Variants in PDZRN3 observed in about 807,000 individuals in gnomAD.
PDZRN3 encodes E3 ubiquitin-protein ligase PDZRN3.
In PDZRN3, 38 loss-of-function variants were observed where a neutral mutation model predicts 85.7. The observed-to-expected ratio is 0.44, with a 90% CI of 0.34 to 0.58. The LOEUF (loss-of-function observed/expected upper bound fraction) is 0.58. PDZRN3 is among the 20% of genes least tolerant of loss of function. The pLI is 0.01. For missense variants in PDZRN3, 1,629 were observed against 1,506.4 expected (o/e 1.08, Z -1.35); for synonymous variants, 759 against 638.0 (o/e 1.19, Z -2.86).
chr3:73,421,457 A>G (rs770133545), intron 3 of PDZRN3, among the ~76,000 whole-genome samples: 3 of 152,224 alleles, frequency 2.0e-5, no homozygotes, highest in Non-Finnish European at 2.9e-5. Flanking sequence ...CCTGTCCCTC[A>G]GCACAGCATA....
chr3:73,384,109 G>A lies in PDZRN3; in HGVS notation c.2457C>T (p.Thr819=), dbSNP rs1276896667. Residue 819 remains threonine, a synonymous_variant, in exon 10 of 10, where the codon ACC becomes ACT. Transcript: ENST00000263666. ...CCTTCAGGGACGGGCTATAGGTAGGGGTGCCCACTTCGGGATCTTCCGTGA... is the reference window on the plus strand; with the variant it reads ...CCTTCAGGGACGGGCTATAGGTAGGAGTGCCCACTTCGGGATCTTCCGTGA... ...LSITEDPEVG[T]PTYSPSLKEL... 6.2e-7 allele frequency: 1 copy of A among 1,614,022 alleles called. No individual in the cohort carries two copies. The highest frequency in any genetic ancestry group is 1.1e-5 in the South Asian group (1 of 91,074).
At chr3:73,528,914 A>G (rs868664717) in intron 3 of PDZRN3, among the ~76,000 whole-genome samples, 4 of 151,170 alleles carry the variant, frequency 2.6e-5, no homozygotes, top group Non-Finnish European at 5.9e-5. Flanking sequence ...ACACACACAC[A>G]CACGCACATG....
intron 3 of PDZRN3, among the ~76,000 whole-genome samples, chr3:73,462,542 C>CAAAAAA (rs1167584471): frequency 1.1e-5 from 1 of 93,434 alleles, no homozygotes. Flanking sequence ...GACTCCGTCT[C>CAAAAAA]AAAAAAAAAA....
chr3:73,617,745 G>A (rs554542411), intron 1 of PDZRN3, among the ~76,000 whole-genome samples: 81 of 152,174 alleles, frequency 5.3e-4, no homozygotes, highest in South Asian at 1.0e-3. Context: ...CTGTTGCCCA[G>A]GCTGGAGTGC....
chr3:73,480,101 C>T (rs1703533263), intron 3 of PDZRN3, among the ~76,000 whole-genome samples: 1 of 152,174 alleles, frequency 6.6e-6, no homozygotes, highest in Non-Finnish European at 1.5e-5. Context: ...CTATTAATAA[C>T]TCTACTAATA....
intron 3 of PDZRN3, among the ~76,000 whole-genome samples, chr3:73,470,348 A>C (rs955838691): frequency 1.3e-5 from 2 of 152,194 alleles, no homozygotes; most frequent in African/African-American, 4.8e-5. Context: ...GTGTGGTCTG[A>C]GACTATATAA....
At chr3:73,506,503 A>T (rs1030944210) in intron 3 of PDZRN3, among the ~76,000 whole-genome samples, 2 of 152,214 alleles carry the variant, frequency 1.3e-5, no homozygotes, top group Non-Finnish European at 2.9e-5. Flanking sequence ...AAAGAAAATA[A>T]AATTCAATCC....
chr3:73,538,498 T>A (rs545046969), intron 3 of PDZRN3, among the ~76,000 whole-genome samples: 6 of 152,352 alleles, frequency 3.9e-5, no homozygotes, highest in African/African-American at 1.2e-4. Flanking sequence ...TGTACTTTTA[T>A]AGGACACATA....
chr3:73,604,653 T>C (rs1017656345), intron 2 of PDZRN3, among the ~76,000 whole-genome samples: 2 of 152,140 alleles, frequency 1.3e-5, no homozygotes, highest in African/African-American at 4.8e-5. Context: ...CAAGCTTGAG[T>C]TCCCTAAGAG....
chr3:73,622,356 G>C (rs964273309), intron 1 of PDZRN3, among the ~76,000 whole-genome samples: 3 of 152,246 alleles, frequency 2.0e-5, no homozygotes, highest in Non-Finnish European at 2.9e-5. Context: ...GGCAGAGAGA[G>C]GCAAAGCAGA....
intron 3 of PDZRN3, among the ~76,000 whole-genome samples, chr3:73,504,445 G>T (rs367829216): frequency 6.6e-6 from 1 of 152,198 alleles, no homozygotes; most frequent in South Asian, 2.1e-4. Context: ...GGACCAGGAA[G>T]ATTTTCATCT....
At chr3:73,502,938 T>C in intron 3 of PDZRN3, among the ~76,000 whole-genome samples, 1 of 152,334 alleles carries the variant, frequency 6.6e-6, no homozygotes, top group South Asian at 2.1e-4. Context: ...GTCATTTTGA[T>C]CTGTTAAGTA....
In PDZRN3 at chr3:73,459,809, T is replaced by C. The variant is rs190469429; in HGVS notation, c.919-55414A>G. Among the ~76,000 whole-genome samples, 178 of 152,330 alleles carry C rather than the reference T, an allele frequency of 1.2e-3. 1 individual carries two copies. The highest frequency in any genetic ancestry group is 4.1e-3 in the African/African-American group (171 of 41,568). ...TTGCTATTGTGAATAGAAGCACTCTTCTTTTATATCTGCCTAACAGATGGG... is the reference window on the plus strand; with the variant it reads ...TTGCTATTGTGAATAGAAGCACTCTCCTTTTATATCTGCCTAACAGATGGG... On this transcript the variant is annotated intron_variant, in intron 3 of 9. Coordinates refer to ENST00000263666, the MANE Select transcript of PDZRN3 (RefSeq NM_015009.3).
Position 73,384,761 on chromosome 3 carries a change from C to G in PDZRN3, c.1805G>C (p.Gly602Ala). The G allele has an allele frequency of 6.2e-7, 1 of 1,613,982 alleles. No individual in the cohort carries two copies. The highest frequency in any genetic ancestry group is 8.5e-7 in the Non-Finnish European group (1 of 1,180,046). ...DATASSNPLAGQRKLTCSQDT... is the reference protein window; with the variant it reads ...DATASSNPLAAQRKLTCSQDT... ...CTGGCTGCAGGTGAGCTTCCTCTGC[C>G]CCGCCAGCGGGTTGGAGGATGCGGT... Residue 602 changes from glycine (G) to alanine (A), a missense_variant, in exon 10 of 10, where the codon GGG (glycine) becomes GCG (alanine). By Grantham distance (60) the Gly-to-Ala change is moderately conservative. Transcript: ENST00000263666.
chr3:73,503,880 G>C (rs1704024915), intron 3 of PDZRN3, among the ~76,000 whole-genome samples: 1 of 152,314 alleles, frequency 6.6e-6, no homozygotes, highest in South Asian at 2.1e-4. Flanking sequence ...AAGAAAGCAA[G>C]AGTGGGGAGG....
Position 73,624,236 on chromosome 3 carries a change from G to T in PDZRN3, c.590C>A (p.Ser197Ter). The part of the protein sequence containing the change: ...EALRAGKREK[S>*]LVAQLAAAQL... Reference sequence around the variant, plus strand: ...CGCCGCGGCCAGCTGGGCCACCAGCGACTTCTCGCGCTTCCCAGCGCGCAG... The same window carrying T: ...CGCCGCGGCCAGCTGGGCCACCAGCTACTTCTCGCGCTTCCCAGCGCGCAG... Residue 197 changes from serine to a stop codon, truncating the protein, a stop_gained, in exon 1 of 10, where the codon TCG becomes TAG. Coordinates refer to ENST00000263666, the MANE Select transcript of PDZRN3 (RefSeq NM_015009.3). LOFTEE classifies it high-confidence loss of function. 1.4e-6 allele frequency: 2 copies of T among 1,473,932 alleles called. No individual in the cohort carries two copies. The highest frequency in any genetic ancestry group is 2.6e-5 in the South Asian group (2 of 76,596). The allele number at this position is 1,473,932 out of a possible 1,614,324, so 91.3% of individuals were successfully genotyped here. A position where few individuals can be genotyped will look rare whatever the true frequency, so the allele number is the denominator to read the frequency against.
intron 5 of PDZRN3, among the ~76,000 whole-genome samples, chr3:73,398,142 G>C (rs925188869): frequency 3.3e-5 from 5 of 152,140 alleles, no homozygotes. Flanking sequence ...CTAAACACCT[G>C]CGTTGTGTCT....
intron 3 of PDZRN3, among the ~76,000 whole-genome samples, chr3:73,422,571 C>A (rs1186692913): frequency 6.6e-6 from 1 of 152,182 alleles, no homozygotes; most frequent in Non-Finnish European, 1.5e-5. Flanking sequence ...AACACTGGAA[C>A]TGTGTCCTCC....
At chr3:73,591,668 T>C (rs900195544) in intron 3 of PDZRN3, among the ~76,000 whole-genome samples, 11 of 152,160 alleles carry the variant, frequency 7.2e-5, no homozygotes, top group Non-Finnish European at 1.3e-4. Context: ...AAAATTGCAG[T>C]ATTCAGACAC....
Sources: allele counts gnomAD v4.1 joint callset (sites outside exome capture counted in the v4.1 genomes callset), GRCh38; gene constraint gnomAD v4.1.1; transcripts MANE v1.5; gene names NCBI Gene and HGNC (gene_info 2026-07-23, HGNC 2026-07-21).